Variants in AATK observed in about 807,000 individuals in gnomAD.
The protein encoded by AATK is serine/threonine-protein kinase LMTK1.
In AATK, 91 loss-of-function variants were observed where a neutral mutation model predicts 114.3. That is an observed-to-expected ratio of 0.80 (90% CI 0.67 to 0.95). AATK has a LOEUF of 0.95. Among genes scored for constraint, AATK ranks in the 40% least tolerant of loss-of-function variants. The pLI is 0.00. For missense variants in AATK, 2,176 were observed against 1,965.2 expected (o/e 1.11, Z -2.03); for synonymous variants, 1,075 against 916.5 (o/e 1.17, Z -3.12).
chr17:81,134,827 A>G (rs997629128), intron 1 of AATK, among the ~76,000 whole-genome samples: 3 of 152,188 alleles, frequency 2.0e-5, no homozygotes, highest in Admixed American at 6.5e-5. Context: ...GGGGACCCCC[A>G]TCTCCCTCCC....
At chr17:81,146,045 C>T (rs1448580012) in intron 1 of AATK, among the ~76,000 whole-genome samples, 3 of 151,640 alleles carry the variant, frequency 2.0e-5, no homozygotes, top group East Asian at 1.9e-4. Context: ...AAAAATTGGC[C>T]GGGCGTGGTG....
rs551487787 is a variant in AATK at position 81,122,790 on chromosome 17, G to C, written c.1146C>G (p.Pro382=). ...YEVMQFCWLQ[P]EQRPTAEEVH... ...CCTCCTCGGCTGTGGGCCGCTGCTC[G>C]GGCTGCAGCCAGCAGAACTGCATCA... The change falls in exon 11 of 14, where the codon CCC becomes CCG. Residue 382 remains proline (P), a synonymous_variant. Transcript: ENST00000326724. The C allele has an allele frequency of 3.2e-6, 5 of 1,583,908 alleles. No homozygotes were observed. The highest frequency in any genetic ancestry group is 1.1e-5 in the South Asian group (1 of 87,054).
chr17:81,138,768 C>G (rs754548592), intron 1 of AATK, among the ~76,000 whole-genome samples: 1 of 147,296 alleles, frequency 6.8e-6, no homozygotes, highest in African/African-American at 2.5e-5. Context: ...TGCACACCCA[C>G]ATGCACGCAC....
chr17:81,154,683 G>A (rs56735594), intron 1 of AATK, among the ~76,000 whole-genome samples: 3 of 136,592 alleles, frequency 2.2e-5, no homozygotes, highest in South Asian at 2.5e-4. Context: ...AGGCTGGAGT[G>A]CAATGGCACA....
At chr17:81,134,647 C>T in intron 1 of AATK, 146 bp from the exon 2 acceptor site, 1 of 1,081,516 alleles carries the variant, frequency 9.2e-7, no homozygotes, top group Non-Finnish European at 1.3e-6. Context: ...GACCCCACAC[C>T]TCACAGTGTG....
chr17:81,138,833 CACA>C (rs386799850), intron 1 of AATK, among the ~76,000 whole-genome samples: 4 of 151,834 alleles, frequency 2.6e-5, no homozygotes, highest in Non-Finnish European at 5.9e-5. Context: ...TGAGCGCACA[CACA>C]CCCCCACGCG....
At chr17:81,127,545 C>T (rs1273173918) in intron 6 of AATK, 38 bp downstream of exon 6, 1 of 1,557,550 alleles carries the variant, frequency 6.4e-7, no homozygotes, top group Non-Finnish European at 8.7e-7. Context: ...GGCCCCGGCT[C>T]AGCAAAGACC....
At position 81,121,556 on chromosome 17, in the gene AATK, G is replaced by A; in HGVS notation, c.2380C>T (p.Leu794=). Residue 794 remains leucine, a synonymous_variant, in exon 11 of 14, where the codon CTG becomes TTG. Coordinates refer to ENST00000326724, the MANE Select transcript of AATK (RefSeq NM_001080395.3). ...TEAEGTTGPR[L]PLPSVPSPSQ... ...GGGGAGGGGACGGAAGGAAGGGGCA[G>A]GCGGGGTCCGGTAGTGCCCTCAGCC... 1 of 1,526,520 alleles carries A rather than the reference G, an allele frequency of 6.6e-7. No homozygotes were observed. Among genetic ancestry groups the A allele is most frequent in the Non-Finnish European group, 8.8e-7 (1 of 1,136,388 alleles). 94.6% of individuals were successfully genotyped at this position (1,526,520 alleles called of 1,614,324 possible). A position where few individuals can be genotyped will look rare whatever the true frequency, so the allele number is the denominator to read the frequency against.
intron 4 of AATK, 50 bp from the exon 5 acceptor site, chr17:81,127,960 G>A (rs768005418): frequency 3.4e-5 from 53 of 1,543,080 alleles, no homozygotes; most frequent in Non-Finnish European, 3.9e-5. Context: ...CACCGGCCCC[G>A]GCTTCCAGGC....
chr17:81,134,035 C>T (rs377122832), intron 2 of AATK, among the ~76,000 whole-genome samples: 2 of 152,196 alleles, frequency 1.3e-5, no homozygotes, highest in African/African-American at 4.8e-5. Flanking sequence ...GGCAAGCCCC[C>T]TCCCACACCA....
At position 81,138,732 on chromosome 17, in the gene AATK, C is replaced by T. The variant is rs140261096; in HGVS notation, c.56-4231G>A. ...ACCCACACGCGCAAACCCACACATG[C>T]GCGCACACAGATACCAACACGCGCA... On this transcript the variant is annotated intron_variant, in intron 1 of 13. Coordinates refer to ENST00000326724, the MANE Select transcript of AATK (RefSeq NM_001080395.3). Among the ~76,000 whole-genome samples, 375 of 151,200 alleles carry T rather than the reference C, an allele frequency of 2.5e-3. 1 individual carries two copies. Among genetic ancestry groups the T allele is most frequent in the Non-Finnish European group, 4.5e-3 (302 of 67,732 alleles).
At chr17:81,129,109 G>A (rs960689573) in intron 3 of AATK, among the ~76,000 whole-genome samples, 10 of 152,222 alleles carry the variant, frequency 6.6e-5, no homozygotes, top group East Asian at 1.9e-4. Context: ...AGGGGCCAGC[G>A]CTGGCAGAGC....
chr17:81,119,272 G>C, intron 13 of AATK, 108 bp downstream of exon 13: 1 of 1,113,584 alleles, frequency 9.0e-7, no homozygotes, highest in East Asian at 3.2e-5. Flanking sequence ...GGAGCGGAGC[G>C]GAGCCGGGGC....
At chr17:81,154,143 G>C (rs1007879199) in intron 1 of AATK, among the ~76,000 whole-genome samples, 1 of 152,028 alleles carries the variant, frequency 6.6e-6, no homozygotes, top group Admixed American at 6.6e-5. Flanking sequence ...CTTCTCCAAG[G>C]AGAGCCACAG....
chr17:81,164,424 C>T (rs2061461618), intron 1 of AATK, among the ~76,000 whole-genome samples: 1 of 152,220 alleles, frequency 6.6e-6, no homozygotes, highest in Non-Finnish European at 1.5e-5. Context: ...CAGGTGCCTG[C>T]AGCTCTGGCC....
intron 1 of AATK, among the ~76,000 whole-genome samples, chr17:81,159,223 AG>A (rs2146415991): frequency 6.6e-6 from 1 of 152,298 alleles, no homozygotes; most frequent in East Asian, 1.9e-4. Context: ...CTCTCAGTAA[AG>A]GGGCCCTCAC....
At chr17:81,123,643 G>A (rs2060733706) in intron 9 of AATK, among the ~76,000 whole-genome samples, 1 of 151,940 alleles carries the variant, frequency 6.6e-6, no homozygotes, top group Non-Finnish European at 1.5e-5. Flanking sequence ...ACCAGACACT[G>A]CCCGGTGTGG....
intron 1 of AATK, among the ~76,000 whole-genome samples, chr17:81,137,706 T>C (rs908045385): frequency 5.9e-5 from 9 of 151,954 alleles, no homozygotes; most frequent in African/African-American, 1.9e-4. Flanking sequence ...GAAACACACA[T>C]GCACACACAC....
chr17:81,125,616 C>A (rs1427150528), intron 7 of AATK, among the ~76,000 whole-genome samples: 1 of 152,156 alleles, frequency 6.6e-6, no homozygotes, highest in Non-Finnish European at 1.5e-5. Flanking sequence ...GGCTTTGAAC[C>A]CTGCCTGGCT....
Sources: allele counts gnomAD v4.1 joint callset (sites outside exome capture counted in the v4.1 genomes callset), GRCh38; gene constraint gnomAD v4.1.1; transcripts MANE v1.5; gene names NCBI Gene and HGNC (gene_info 2026-07-23, HGNC 2026-07-21).